Variants in DAZAP1 observed in about 807,000 individuals in gnomAD.
DAZAP1 encodes the protein DAZ associated protein 1, also known as DAZ-associated protein 1.
A neutral mutation model predicts 60.1 loss-of-function variants in DAZAP1; 6 were observed. The observed-to-expected ratio is 0.10, with a 90% CI of 0.05 to 0.20. The LOEUF is 0.20. DAZAP1 is among the 10% of genes least tolerant of loss of function. The pLI, the probability that DAZAP1 is intolerant of heterozygous loss-of-function variation, is 1.00. For synonymous variants in DAZAP1, 235 were observed against 215.9 expected (o/e 1.09, Z -0.78); for missense variants, 366 against 560.4 (o/e 0.65, Z 3.50).
rs751334899 is a variant in DAZAP1, at chr19:1,415,389, G to GTGTT, written c.30-2110_30-2109insGTTT. On this transcript the variant is annotated intron_variant, in intron 1 of 11. Coordinates refer to ENST00000233078, the MANE Select transcript of DAZAP1 (RefSeq NM_018959.4). ...TGTGTGTGTGTGTGTGTGTGTGTGTGTTTTGTTTTTTTTTTTTTTTTTGAG... is the reference window on the plus strand; with the variant it reads ...TGTGTGTGTGTGTGTGTGTGTGTGTGTGTTTTTTGTTTTTTTTTTTTTTTTTGAG... Among the ~76,000 whole-genome samples the GTGTT allele has an allele frequency of 2.3e-4, 29 of 127,572 alleles. 1 individual carries two copies. The highest frequency in any genetic ancestry group is 8.0e-4 in the African/African-American group (27 of 33,880). 83.7% of individuals were successfully genotyped at this position (127,572 alleles called of 152,430 possible).
At chr19:1,424,284 T>C (rs1448934972) in intron 6 of DAZAP1, among the ~76,000 whole-genome samples, 1 of 150,400 alleles carries the variant, frequency 6.6e-6, no homozygotes, top group Non-Finnish European at 1.5e-5. Context: ...CTCCTCTCGC[T>C]GTGTGCCTTG....
intron 1 of DAZAP1, among the ~76,000 whole-genome samples, chr19:1,412,971 GAGGTCTGT>G (rs1289087298): frequency 1.3e-5 from 2 of 152,250 alleles, no homozygotes; most frequent in Non-Finnish European, 2.9e-5. Context: ...TGTGGGGTGT[GAGGTCTGT>G]AGGAGCCACG....
Position 1,432,726 on chromosome 19 carries a change from C to A in DAZAP1, c.1048+36C>A. The A allele has an allele frequency of 6.5e-7, 1 of 1,547,022 alleles. No individual in the cohort carries two copies. The highest frequency in any genetic ancestry group is 1.2e-5 in the South Asian group (1 of 81,218). ...TCCTGCCATGCCGCGTCCCCGCTGG[C>A]CCCAGGACCCTGGGCACGGCCTGCC... On this transcript the variant is annotated intron_variant, in intron 11 of 11. Transcript: ENST00000233078. The surrounding 1 kb of genome is among the most constrained non-coding windows in gnomAD (Gnocchi z 4.9).
intron 1 of DAZAP1, among the ~76,000 whole-genome samples, chr19:1,410,600 G>A (rs1216905088): frequency 6.6e-6 from 1 of 152,214 alleles, no homozygotes; most frequent in African/African-American, 2.4e-5. Flanking sequence ...CTGACACAGC[G>A]CGGCCGGGGT....
chr19:1,430,059 G>T, intron 9 of DAZAP1, 63 bp downstream of exon 9: 1 of 1,581,508 alleles, frequency 6.3e-7, no homozygotes, highest in South Asian at 1.1e-5. Flanking sequence ...GACTCGCCAG[G>T]TGTCCTGGGG....
Position 1,422,260 on chromosome 19 carries a change from T to G in DAZAP1, c.415-88T>G, listed in dbSNP as rs2083179506. 2 of 1,264,372 alleles carry G rather than the reference T, an allele frequency of 1.6e-6. No individual in the cohort carries two copies. The highest frequency in any genetic ancestry group is 2.4e-5 in the South Asian group (2 of 82,930). 78.3% of individuals were successfully genotyped at this position (1,264,372 alleles called of 1,614,324 possible). Reference sequence around the variant, plus strand: ...GGGAGGGCGCACCCTGTGCGAGAGTTTGGGTTCGTGGGAACAGGCTGTGCC... The same window carrying G: ...GGGAGGGCGCACCCTGTGCGAGAGTGTGGGTTCGTGGGAACAGGCTGTGCC... On this transcript the variant is annotated intron_variant, in intron 5 of 11. Coordinates refer to ENST00000233078, the MANE Select transcript of DAZAP1 (RefSeq NM_018959.4). This position sits in a 1 kb window ranked among gnomAD's most constrained non-coding sequence, Gnocchi z 4.5.
rs1297616364 is a variant in DAZAP1, at chr19:1,422,814, CT to C, written c.463+427del. ...TGGATTTTCCGTGATCCATCCCATG[CT>C]TTTTTTTTCTTTCTTTCTTTTTTCC... On this transcript the variant is annotated intron_variant, in intron 6 of 11. Coordinates refer to ENST00000233078, the MANE Select transcript of DAZAP1 (RefSeq NM_018959.4). The surrounding 1 kb of genome is among the most constrained non-coding windows in gnomAD (Gnocchi z 4.5). Among the ~76,000 whole-genome samples the C allele has an allele frequency of 2.7e-5, 4 of 150,646 alleles. No homozygotes were observed. The highest frequency in any genetic ancestry group is 3.9e-4 in the East Asian group (2 of 5,172).
At chr19:1,417,301 G>T in intron 1 of DAZAP1, 199 bp from the exon 2 acceptor site, 1 of 648,798 alleles carries the variant, frequency 1.5e-6, no homozygotes. Context: ...GGCAAGGATT[G>T]GGATCATCTT....
Position 1,428,832 on chromosome 19 carries a change from G to T in DAZAP1, c.547-10G>T, listed in dbSNP as rs749801076. On this transcript the variant is annotated splice_polypyrimidine_tract_variant and intron_variant, in intron 7 of 11. Transcript: ENST00000233078. The surrounding 1 kb of genome is among the most constrained non-coding windows in gnomAD (Gnocchi z 4.0). ...CAGCCTCGCCCTAAACCAGAGCTCG[G>T]TTTGTTTAGGTGGAAGTTAAACGAG... 1 of 1,612,812 alleles carries T rather than the reference G, an allele frequency of 6.2e-7. No individual in the cohort carries two copies. Among genetic ancestry groups the T allele is most frequent in the Non-Finnish European group, 8.5e-7 (1 of 1,179,822 alleles).
chr19:1,413,675 G>C lies in DAZAP1; in HGVS notation c.30-3825G>C, dbSNP rs542324291. 6.6e-5 allele frequency among the ~76,000 whole-genome samples: 10 copies of C among 152,116 alleles called. No homozygotes were observed. The South Asian group carries it at 8.3e-4, about 13-fold the overall frequency. On this transcript the variant is annotated intron_variant, in intron 1 of 11. Coordinates refer to ENST00000233078, the MANE Select transcript of DAZAP1 (RefSeq NM_018959.4). ...AGTGTGGCCGCGCGCGGTGCCTCAC[G>C]CCTGTCATCCTAGCACTTTGGGAGG...
chr19:1,428,088 C>T lies in DAZAP1; in HGVS notation c.547-754C>T, dbSNP rs2083349804. 1 of 152,190 alleles carries T rather than the reference C, an allele frequency of 6.6e-6. No homozygotes were observed. Among genetic ancestry groups the T allele is most frequent in the East Asian group, 1.9e-4 (1 of 5,198 alleles). The allele number at this position is 152,190 out of a possible 1,614,324, so 9.4% of individuals were successfully genotyped here. A position where few individuals can be genotyped will look rare whatever the true frequency, so the allele number is the denominator to read the frequency against. On this transcript the variant is annotated intron_variant, in intron 7 of 11. Coordinates refer to ENST00000233078, the MANE Select transcript of DAZAP1 (RefSeq NM_018959.4). The surrounding 1 kb of genome is among the most constrained non-coding windows in gnomAD (Gnocchi z 4.0). ...GTCAGGCCTGCTCCATCCATTGTCC[C>T]CGGCCCCGCACCCTCCTCCTGAGAA...
Position 1,435,326 on chromosome 19 carries a change from T to A in DAZAP1, c.*414T>A, listed in dbSNP as rs1294629017. ...AAATTTTCTACGATGTATACTGGCT[T>A]ATTTTTTAATTTAAAACGGGGTTTC... On this transcript the variant is annotated 3_prime_UTR_variant, in exon 12 of 12. Transcript: ENST00000233078. The A allele has an allele frequency of 6.6e-6, 1 of 152,634 alleles. No individual in the cohort carries two copies. The highest frequency in any genetic ancestry group is 1.5e-5 in the Non-Finnish European group (1 of 68,184). The allele number at this position is 152,634 out of a possible 1,614,324, so 9.5% of individuals were successfully genotyped here.
chr19:1,431,118 TTTTATTTA>T (rs1009417068), intron 10 of DAZAP1, among the ~76,000 whole-genome samples: 1 of 151,288 alleles, frequency 6.6e-6, no homozygotes, highest in African/African-American at 2.4e-5. Flanking sequence ...TTTTATTTTA[TTTTATTTA>T]TTTATTTATG....
At chr19:1,413,778 G>C (rs1028072778) in intron 1 of DAZAP1, among the ~76,000 whole-genome samples, 4 of 152,228 alleles carry the variant, frequency 2.6e-5, no homozygotes, top group African/African-American at 4.8e-5. Flanking sequence ...TGCTGTCTCA[G>C]ATTCCATAAG....
At position 1,435,186 on chromosome 19, in the gene DAZAP1, C is replaced by A. The variant is rs1473831130; in HGVS notation, c.*274C>A. On this transcript the variant is annotated 3_prime_UTR_variant, in exon 12 of 12. Coordinates refer to ENST00000233078, the MANE Select transcript of DAZAP1 (RefSeq NM_018959.4). ...AGCTTTAATTCAAAACTTCAGGTTT[C>A]TTTTTCTTCCTTTTTTTTGGAAATT... 2 of 226,046 alleles carry A rather than the reference C, an allele frequency of 8.8e-6. No homozygotes were observed. Among genetic ancestry groups the A allele is most frequent in the African/African-American group, 2.3e-5 (1 of 44,188 alleles). 14.0% of individuals were successfully genotyped at this position (226,046 alleles called of 1,614,324 possible).
At chr19:1,412,328 G>A (rs943247988) in intron 1 of DAZAP1, among the ~76,000 whole-genome samples, 2 of 152,170 alleles carry the variant, frequency 1.3e-5, no homozygotes, top group Non-Finnish European at 2.9e-5. Context: ...GGTCTTAGGG[G>A]CAGGAAAGTC....
At chr19:1,415,008 C>G (rs548471961) in intron 1 of DAZAP1, among the ~76,000 whole-genome samples, 3 of 151,832 alleles carry the variant, frequency 2.0e-5, no homozygotes, top group Non-Finnish European at 4.4e-5. Context: ...CCAGGCTGGT[C>G]TTGAACTCCT....
chr19:1,416,302 G>A lies in DAZAP1; in HGVS notation c.30-1198G>A, dbSNP rs1343909044. On this transcript the variant is annotated intron_variant, in intron 1 of 11. Transcript: ENST00000233078. The surrounding 1 kb of genome is among the most constrained non-coding windows in gnomAD (Gnocchi z 4.3). ...GCCCCGCGTGGGAATGGTGCTTTCA[G>A]TGAGGCTGGCAGGATTCTTGCGGCT... The A allele has an allele frequency of 6.6e-6, 1 of 152,304 alleles. No individual in the cohort carries two copies. Among genetic ancestry groups the A allele is most frequent in the African/African-American group, 2.4e-5 (1 of 41,450 alleles). 9.4% of individuals were successfully genotyped at this position (152,304 alleles called of 1,614,324 possible).
chr19:1,413,674 C>T lies in DAZAP1; in HGVS notation c.30-3826C>T, dbSNP rs574965057. On this transcript the variant is annotated intron_variant, in intron 1 of 11. Coordinates refer to ENST00000233078, the MANE Select transcript of DAZAP1 (RefSeq NM_018959.4). ...CAGTGTGGCCGCGCGCGGTGCCTCA[C>T]GCCTGTCATCCTAGCACTTTGGGAG... Among the ~76,000 whole-genome samples, 25 of 152,322 alleles carry T rather than the reference C, an allele frequency of 1.6e-4. No homozygotes were observed. In the South Asian group the frequency reaches 4.4e-3, roughly 27 times the overall value.
Sources: allele counts gnomAD v4.1 joint callset (sites outside exome capture counted in the v4.1 genomes callset), GRCh38; gene constraint gnomAD v4.1.1; non-coding constraint Gnocchi (gnomAD v3.1); transcripts MANE v1.5; gene names NCBI Gene and HGNC (gene_info 2026-07-23, HGNC 2026-07-21).